The following SPATA17 variants were observed in gnomAD, a reference collection of about 807,000 sequenced individuals.
SPATA17 encodes the protein spermatogenesis associated 17, also known as spermatogenesis-associated protein 17.
SPATA17 carries 53 observed loss-of-function variants against 62.2 expected under a neutral mutation model. The observed-to-expected ratio is 0.85, with a 90% CI of 0.68 to 1.07. The LOEUF is 1.07. SPATA17 is among the 50% of genes least tolerant of loss of function. The pLI is 0.00. For missense variants in SPATA17, 466 were observed against 425.5 expected, an observed-to-expected ratio of 1.10 and a Z score of -0.84; for synonymous variants, 146 against 146.8, an observed-to-expected ratio of 0.99 and a Z score of 0.04.
intron 3 of SPATA17, among the ~76,000 whole-genome samples, chr1:217,664,097 C>T (rs964708104): frequency 6.6e-6 from 1 of 151,722 alleles, no homozygotes; most frequent in African/African-American, 2.4e-5. Context: ...GTGGAACAGT[C>T]AAAGTTGACA....
chr1:217,653,416 G>C (rs935331721), intron 3 of SPATA17, among the ~76,000 whole-genome samples: 8 of 152,222 alleles, frequency 5.3e-5, no homozygotes, highest in Non-Finnish European at 7.4e-5. Flanking sequence ...CATAACCCTA[G>C]AATCTACAAC....
chr1:217,688,346 C>T (rs1315147055), intron 5 of SPATA17, among the ~76,000 whole-genome samples: 1 of 152,192 alleles, frequency 6.6e-6, no homozygotes, highest in African/African-American at 2.4e-5. Context: ...AACACCTACT[C>T]TTTAAATATA....
intron 2 of SPATA17, among the ~76,000 whole-genome samples, chr1:217,650,359 A>T (rs1173666315): frequency 6.6e-6 from 1 of 152,154 alleles, no homozygotes; most frequent in Admixed American, 6.5e-5. Flanking sequence ...CAGGAAAAGA[A>T]TGAAGAGGAG....
At chr1:217,834,650 T>C (rs1334583041) in intron 9 of SPATA17, among the ~76,000 whole-genome samples, 2 of 152,140 alleles carry the variant, frequency 1.3e-5, no homozygotes, top group African/African-American at 2.4e-5. Context: ...TAAGCTGTTA[T>C]TAGAAAAGAG....
At chr1:217,651,058 A>G in intron 2 of SPATA17, 39 bp from the exon 3 acceptor site, 1 of 1,466,104 alleles carries the variant, frequency 6.8e-7, no homozygotes, top group Middle Eastern at 1.8e-4. Context: ...ACCTTGTTTC[A>G]ATGAAAGGAT....
intron 3 of SPATA17, among the ~76,000 whole-genome samples, chr1:217,664,227 A>C (rs1465350510): frequency 1.3e-5 from 2 of 151,866 alleles, no homozygotes; most frequent in Non-Finnish European, 2.9e-5. Flanking sequence ...GAATATGAAA[A>C]GTCTTGGGAT....
rs567038665 is a variant in SPATA17 at position 217,653,412 on chromosome 1, C to T, written c.240+2234C>T. On this transcript the variant is annotated intron_variant, in intron 3 of 10. Transcript: ENST00000366933. ...TCTAAACTGCTATTCAACTCATAAC[C>T]CTAGAATCTACAACTTGATATTTTA... Among the ~76,000 whole-genome samples the T allele has an allele frequency of 2.5e-4, 38 of 152,152 alleles. 1 individual carries two copies. In the South Asian group the frequency reaches 4.8e-3, roughly 19 times the overall value.
intron 3 of SPATA17, among the ~76,000 whole-genome samples, chr1:217,652,262 C>T (rs1460929457): frequency 6.6e-6 from 1 of 152,192 alleles, no homozygotes; most frequent in South Asian, 2.1e-4. Context: ...GATGGAGTCT[C>T]ACTCTCTTCC....
In SPATA17 at chr1:217,717,647, A is replaced by T. The variant is rs1415040256; in HGVS notation, c.396-24328A>T. On this transcript the variant is annotated intron_variant, in intron 5 of 10. Coordinates refer to ENST00000366933, the MANE Select transcript of SPATA17 (RefSeq NM_138796.4). ...TAAGTAATTATGTAAATCCTATGTA[A>T]TTTTTTTTTTTACAAATCCCATCTT... 2.7e-5 allele frequency among the ~76,000 whole-genome samples: 4 copies of T among 148,520 alleles called. No individual in the cohort carries two copies. The South Asian group carries it at 8.5e-4, about 32-fold the overall frequency.
chr1:217,707,157 G>A (rs888570359), intron 5 of SPATA17, among the ~76,000 whole-genome samples: 2 of 152,142 alleles, frequency 1.3e-5, no homozygotes, highest in Admixed American at 6.5e-5. Context: ...GAGCCACCAT[G>A]CCTGGCCCTG....
At chr1:217,816,921 A>G (rs1442035156) in intron 9 of SPATA17, among the ~76,000 whole-genome samples, 4 of 152,056 alleles carry the variant, frequency 2.6e-5, no homozygotes, top group Non-Finnish European at 5.9e-5. Flanking sequence ...TATACATACT[A>G]TTGATCAAAT....
chr1:217,698,106 G>T (rs1671502723), intron 5 of SPATA17, among the ~76,000 whole-genome samples: 1 of 151,966 alleles, frequency 6.6e-6, no homozygotes. Context: ...GACCAGCCTG[G>T]CCAGCATGGT....
At chr1:217,778,934 A>G (rs1673666371) in intron 7 of SPATA17, among the ~76,000 whole-genome samples, 1 of 152,142 alleles carries the variant, frequency 6.6e-6, no homozygotes, top group Non-Finnish European at 1.5e-5. Context: ...CCTCCATACC[A>G]TTCTATGTAC....
intron 4 of SPATA17, among the ~76,000 whole-genome samples, chr1:217,677,581 G>T (rs913494347): frequency 6.6e-6 from 1 of 152,046 alleles, no homozygotes; most frequent in South Asian, 2.1e-4. Flanking sequence ...ACAAAAAAGG[G>T]TATCCCAAAA....
chr1:217,855,091 C>T (rs1675750086), intron 9 of SPATA17, among the ~76,000 whole-genome samples: 1 of 152,142 alleles, frequency 6.6e-6, no homozygotes, highest in Non-Finnish European at 1.5e-5. Context: ...AGTGTTGTAG[C>T]AGGAGAAAAC....
At chr1:217,714,748 G>A (rs1252049595) in intron 5 of SPATA17, among the ~76,000 whole-genome samples, 1 of 151,976 alleles carries the variant, frequency 6.6e-6, no homozygotes, top group East Asian at 1.9e-4. Flanking sequence ...GCCTCCCAAA[G>A]TGCTGGGATT....
intron 9 of SPATA17, among the ~76,000 whole-genome samples, chr1:217,835,212 C>T (rs1468603266): frequency 6.6e-6 from 1 of 152,116 alleles, no homozygotes; most frequent in Non-Finnish European, 1.5e-5. Context: ...CTTGGTTGAA[C>T]TCATGTCATT....
At position 217,784,343 on chromosome 1, in the gene SPATA17, T is replaced by C. The variant is rs534317954; in HGVS notation, c.872+2021T>C. 5.3e-5 allele frequency among the ~76,000 whole-genome samples: 8 copies of C among 152,234 alleles called. No individual in the cohort carries two copies. In the South Asian group the frequency reaches 1.7e-3, roughly 32 times the overall value. ...AACCTGCTATCTAGACCTAGAAAGG[T>C]ACAGCTTTTTATTTCTAATGTTAAG... is the stretch of plus-strand genomic sequence containing the variant. On this transcript the variant is annotated intron_variant, in intron 8 of 10. Transcript: ENST00000366933.
intron 3 of SPATA17, among the ~76,000 whole-genome samples, chr1:217,652,015 G>A (rs187210926): frequency 6.6e-6 from 1 of 152,280 alleles, no homozygotes; most frequent in Admixed American, 6.5e-5. Flanking sequence ...CAGTTGTCTC[G>A]TAATTGCCAA....
Sources: gnomAD v4.1 joint callset for allele counts (sites outside exome capture counted in the v4.1 genomes callset) on GRCh38, gnomAD v4.1.1 for gene constraint, MANE v1.5 for transcripts, NCBI Gene and HGNC (gene_info 2026-07-23, HGNC 2026-07-21) for gene names.